The following EXOC4 variants were observed in gnomAD, a reference collection of about 807,000 sequenced individuals.
The protein encoded by EXOC4 is exocyst complex component 4, also known as SEC8-like 1.
EXOC4 carries 71 observed loss-of-function variants against 107.2 expected under a neutral mutation model. The ratio of observed to expected loss-of-function variants is 0.66; its 90% CI spans 0.55 to 0.81. EXOC4 has a LOEUF of 0.81. Ranked by LOEUF, EXOC4 falls within the 30% of genes least tolerant of loss-of-function variation. The probability of loss-of-function intolerance (pLI) is 0.00; values close to 1 mark genes in which losing one functional copy is unlikely to be tolerated. For missense variants in EXOC4, 1,108 were observed against 1,189.6 expected, an observed-to-expected ratio of 0.93 and a Z score of 1.01; for synonymous variants, 456 against 441.2, an observed-to-expected ratio of 1.03 and a Z score of -0.42.
intron 5 of EXOC4, among the ~76,000 whole-genome samples, chr7:133,329,475 G>A (rs950307423): frequency 6.6e-6 from 1 of 152,126 alleles, no homozygotes; most frequent in Non-Finnish European, 1.5e-5. Flanking sequence ...TGCTGCTGAG[G>A]AGTTGTGATC....
intron 10 of EXOC4, among the ~76,000 whole-genome samples, chr7:133,707,340 GC>G (rs1474099616): frequency 6.6e-6 from 1 of 151,922 alleles, no homozygotes; most frequent in Non-Finnish European, 1.5e-5. Flanking sequence ...CCGAGATCAT[GC>G]CACTGCACTC....
rs577341999 is a variant in EXOC4 at position 133,869,326 on chromosome 7, C to G, written c.1735-26273C>G. ...GAAAGAGCAGGCCTTGGGGTAGGAC[C>G]AGCCTGGGGGCAGCTCTGGGCTCCT... On this transcript the variant is annotated intron_variant, in intron 11 of 17. Transcript: ENST00000253861. 1.9e-3 allele frequency among the ~76,000 whole-genome samples: 293 copies of G among 152,082 alleles called. 1 individual carries two copies. Among genetic ancestry groups the G allele is most frequent in the African/African-American group, 6.8e-3 (283 of 41,498 alleles).
At chr7:133,813,205 C>T (rs537574794) in intron 10 of EXOC4, among the ~76,000 whole-genome samples, 20 of 152,136 alleles carry the variant, frequency 1.3e-4, no homozygotes, top group Admixed American at 8.5e-4. Context: ...CTGTGCTGCT[C>T]AGCACAGTTC....
chr7:133,769,121 G>A (rs11772444), intron 10 of EXOC4, among the ~76,000 whole-genome samples: 18,829 of 151,986 alleles, frequency 0.12, 1,648 homozygotes, highest in Non-Finnish European at 0.19. Context: ...AGAATTGCAC[G>A]TGCAAATGCA....
At chr7:133,870,412 A>G (rs566610557) in intron 11 of EXOC4, among the ~76,000 whole-genome samples, 139 of 152,288 alleles carry the variant, frequency 9.1e-4, no homozygotes, top group Non-Finnish European at 1.4e-3. Context: ...TTGCCCTCCA[A>G]AGATTTCTAG....
intron 10 of EXOC4, among the ~76,000 whole-genome samples, chr7:133,717,156 C>T (rs1277204362): frequency 2.6e-5 from 4 of 152,114 alleles, no homozygotes; most frequent in Admixed American, 2.6e-4. Context: ...GAAAGGTTCA[C>T]TATTTTTCTT....
chr7:134,082,496 A>G, the EXOC4 span, among the ~76,000 whole-genome samples: 463 of 152,316 alleles, frequency 3.0e-3, 2 homozygotes, highest in African/African-American at 0.01. Context: ...GCTGGAGTGC[A>G]GTGGCATGAT....
intron 15 of EXOC4, among the ~76,000 whole-genome samples, chr7:133,998,516 C>G (rs1234495700): frequency 6.6e-6 from 1 of 152,130 alleles, no homozygotes; most frequent in Non-Finnish European, 1.5e-5. Flanking sequence ...GAGACAAAAT[C>G]AAGCTTGGCG....
chr7:133,965,504 T>A (rs1026863394), intron 14 of EXOC4, among the ~76,000 whole-genome samples: 17 of 152,204 alleles, frequency 1.1e-4, no homozygotes, highest in African/African-American at 3.9e-4. Flanking sequence ...TTAATTTTTG[T>A]ATAAGGTGTA....
chr7:134,026,689 T>C (rs1227788571), intron 17 of EXOC4, among the ~76,000 whole-genome samples: 1 of 152,068 alleles, frequency 6.6e-6, no homozygotes, highest in Non-Finnish European at 1.5e-5. Context: ...GAAAGATATT[T>C]TTATGGAAAG....
intron 17 of EXOC4, among the ~76,000 whole-genome samples, chr7:134,033,243 G>C (rs1476986886): frequency 6.6e-6 from 1 of 152,024 alleles, no homozygotes; most frequent in Middle Eastern, 3.2e-3. Flanking sequence ...AAATTTTCTA[G>C]ACATAAAAAT....
At chr7:133,935,867 A>C (rs1252155723) in intron 13 of EXOC4, among the ~76,000 whole-genome samples, 3 of 152,146 alleles carry the variant, frequency 2.0e-5, no homozygotes, top group Non-Finnish European at 4.4e-5. Context: ...CTACTTTCAT[A>C]ATTATTGAAA....
At chr7:133,632,505 A>G (rs2151017075) in intron 10 of EXOC4, among the ~76,000 whole-genome samples, 1 of 152,304 alleles carries the variant, frequency 6.6e-6, no homozygotes, top group Admixed American at 6.5e-5. Flanking sequence ...TGGAACTTGA[A>G]ATGACTAAGA....
rs1793957708 is a variant in EXOC4 at position 133,275,081 on chromosome 7, T to C, written c.186T>C (p.Ile62=). The change falls in exon 2 of 18, where the codon ATT becomes ATC. Residue 62 remains isoleucine (I), a synonymous_variant. Transcript: ENST00000253861. ...GTGACCGTGACCTGGATGAATTGAT[T>C]GTACAGCACTACACAGAATTGACGA... ...EKCDRDLDEL[I]VQHYTELTTA... is the part of the protein sequence containing the mutation. 2 of 1,613,718 alleles carry C rather than the reference T, an allele frequency of 1.2e-6. No individual in the cohort carries two copies. Among genetic ancestry groups the C allele is most frequent in the African/African-American group, 2.7e-5 (2 of 74,886 alleles).
intron 10 of EXOC4, among the ~76,000 whole-genome samples, chr7:133,679,059 A>G (rs1794127908): frequency 6.6e-6 from 1 of 152,036 alleles, no homozygotes; most frequent in African/African-American, 2.4e-5. Context: ...TTTTGTTAAA[A>G]TCTTTAAGGC....
chr7:133,808,436 C>G (rs1444198599), intron 10 of EXOC4, among the ~76,000 whole-genome samples: 1 of 152,172 alleles, frequency 6.6e-6, no homozygotes, highest in Non-Finnish European at 1.5e-5. Context: ...TTTTTCGACT[C>G]AGATAATACT....
chr7:133,944,196 G>A (rs1026702129), intron 14 of EXOC4, among the ~76,000 whole-genome samples: 2 of 151,880 alleles, frequency 1.3e-5, no homozygotes, highest in Non-Finnish European at 2.9e-5. Context: ...TTCTTTTTCT[G>A]TTCTAGGATC....
rs572821174 is a variant in EXOC4, at chr7:133,361,885, G to A, written c.1007+5312G>A. Among the ~76,000 whole-genome samples, 49 of 152,194 alleles carry A rather than the reference G, an allele frequency of 3.2e-4. 1 individual carries two copies. Among genetic ancestry groups the A allele is most frequent in the Admixed American group, 2.7e-3 (42 of 15,284 alleles). On this transcript the variant is annotated intron_variant, in intron 6 of 17. Coordinates refer to ENST00000253861, the MANE Select transcript of EXOC4 (RefSeq NM_021807.4). ...GAAGCAGGGTGATAGGTACAAGGTGGTTCATTATCCTATTATCTTCACTTT... is the reference window on the plus strand; with the variant it reads ...GAAGCAGGGTGATAGGTACAAGGTGATTCATTATCCTATTATCTTCACTTT...
At chr7:133,666,973 T>C (rs1432536932) in intron 10 of EXOC4, among the ~76,000 whole-genome samples, 2 of 152,202 alleles carry the variant, frequency 1.3e-5, no homozygotes, top group African/African-American at 4.8e-5. Flanking sequence ...CTTTTCCAGA[T>C]GGGTGTCTTC....
Sources: gnomAD v4.1 joint callset for allele counts (sites outside exome capture counted in the v4.1 genomes callset) on GRCh38, gnomAD v4.1.1 for gene constraint, MANE v1.5 for transcripts, NCBI Gene and HGNC (gene_info 2026-07-23, HGNC 2026-07-21) for gene names.